The following ABCA10 variants were observed in gnomAD, a reference collection of about 807,000 sequenced individuals.
The protein encoded by ABCA10 is ATP-binding cassette sub-family A member 10.
A neutral mutation model predicts 187.5 loss-of-function variants in ABCA10; 169 were observed. The ratio of observed to expected loss-of-function variants is 0.90; its 90% CI spans 0.80 to 1.02. The LOEUF (loss-of-function observed/expected upper bound fraction) is 1.02. Ranked by LOEUF, ABCA10 falls within the 50% of genes least tolerant of loss-of-function variation. ABCA10 has a pLI of 0.00. For synonymous variants in ABCA10, 574 were observed against 601.8 expected (o/e 0.95, Z 0.68); for missense variants, 1,727 against 1,812.4 (o/e 0.95, Z 0.86).
chr17:69,235,778 A>AC (rs2074865140), intron 1 of ABCA10, among the ~76,000 whole-genome samples: 2 of 151,992 alleles, frequency 1.3e-5, no homozygotes, highest in African/African-American at 4.8e-5. Context: ...AGATTTAAAA[A>AC]AAAGAAAACA....
chr17:69,240,303 A>G (rs2074896026), intron 1 of ABCA10, among the ~76,000 whole-genome samples: 1 of 152,192 alleles, frequency 6.6e-6, no homozygotes, highest in South Asian at 2.1e-4. Flanking sequence ...GCCATTAGGA[A>G]GGAAGTTAGG....
intron 25 of ABCA10, among the ~76,000 whole-genome samples, chr17:69,169,436 T>A (rs1046174903): frequency 6.6e-6 from 1 of 152,230 alleles, no homozygotes; most frequent in African/African-American, 2.4e-5. Flanking sequence ...TGTAAAGATA[T>A]CATTTCTCCC....
At position 69,193,146 on chromosome 17, in the gene ABCA10, T is replaced by C. The variant is rs1365659649; in HGVS notation, c.1744A>G (p.Ser582Gly). 1 of 1,613,506 alleles carries C rather than the reference T, an allele frequency of 6.2e-7. No individual in the cohort carries two copies. Among genetic ancestry groups the C allele is most frequent in the Non-Finnish European group, 8.5e-7 (1 of 1,179,744 alleles). The change falls in exon 15 of 39, where the codon AGT becomes GGT. Residue 582 changes from serine to glycine, a missense_variant. Physicochemically the swap from Ser to Gly is moderately conservative, Grantham distance 56. Transcript: ENST00000690296. ...TCAGCCTCATCCATGAATTGGGTAC[T>C]GAAGAGGATAAGTCGGTCTACTTTA... is the stretch of plus-strand genomic sequence containing the variant. Reference protein sequence around the residue: ...EHKVDRLILFSTQFMDEADIL... With the variant: ...EHKVDRLILFGTQFMDEADIL...
At chr17:69,152,575 T>G (rs2074138345) in intron 34 of ABCA10, 94 bp from the exon 35 acceptor site, 16 of 1,495,474 alleles carry the variant, frequency 1.1e-5, no homozygotes, top group Non-Finnish European at 1.4e-5. Context: ...GAAAATGTTA[T>G]GTTAGGATGC....
intron 19 of ABCA10, among the ~76,000 whole-genome samples, chr17:69,186,217 A>G (rs1481848879): frequency 6.6e-6 from 1 of 152,088 alleles, no homozygotes; most frequent in Admixed American, 6.6e-5. Flanking sequence ...CCACTCTGCA[A>G]TGACTACTTT....
At chr17:69,221,701 A>T (rs1302974126) in intron 5 of ABCA10, 91 bp downstream of exon 5, 2 of 1,144,058 alleles carry the variant, frequency 1.7e-6, no homozygotes, top group Non-Finnish European at 2.4e-6. Flanking sequence ...TCACCTCCTA[A>T]GAGTGTAAGA....
At chr17:69,232,546 C>A (rs1457083418), upstream of ABCA10, among the ~76,000 whole-genome samples, 1 of 152,086 alleles carries the variant, frequency 6.6e-6, no homozygotes, top group Admixed American at 6.6e-5. Flanking sequence ...TTTGATGTCA[C>A]AATTTTTAAA....
intron 1 of ABCA10, among the ~76,000 whole-genome samples, 187 bp downstream of exon 1, chr17:69,228,394 C>T (rs936771089): frequency 1.3e-5 from 2 of 151,888 alleles, no homozygotes; most frequent in South Asian, 2.1e-4. Context: ...ATTTATCACA[C>T]TAAAATGTTA....
At chr17:69,208,885 T>A (rs1203469351) in intron 9 of ABCA10, among the ~76,000 whole-genome samples, 7 of 151,950 alleles carry the variant, frequency 4.6e-5, no homozygotes, top group Non-Finnish European at 8.8e-5. Context: ...AAAAAATTTT[T>A]AAAAAAATTA....
chr17:69,148,764 G>A lies in ABCA10; in HGVS notation c.*63C>T. On this transcript the variant is annotated 3_prime_UTR_variant, in exon 39 of 39. Coordinates refer to ENST00000690296, the MANE Select transcript of ABCA10 (RefSeq NM_001377321.1). ...AACTGAAGTAAAAGGAAACATTCTT[G>A]TAGAATTATGGAAACTAACAATGTA... is the stretch of plus-strand genomic sequence containing the variant. 7.7e-7 allele frequency: 1 copy of A among 1,292,062 alleles called. No individual in the cohort carries two copies. The highest frequency in any genetic ancestry group is 1.1e-6 in the Non-Finnish European group (1 of 910,860). 80.0% of individuals were successfully genotyped at this position (1,292,062 alleles called of 1,614,324 possible).
chr17:69,189,354 T>C (rs2074443501), intron 18 of ABCA10, among the ~76,000 whole-genome samples: 1 of 152,172 alleles, frequency 6.6e-6, no homozygotes, highest in South Asian at 2.1e-4. Flanking sequence ...TTCATGTCCT[T>C]TGTCCATTTT....
At chr17:69,212,344 C>A (rs140384855) in intron 9 of ABCA10, among the ~76,000 whole-genome samples, 4 of 152,160 alleles carry the variant, frequency 2.6e-5, no homozygotes, top group African/African-American at 7.2e-5. Flanking sequence ...TGAGACAGTG[C>A]TTGATATAAT....
chr17:69,180,894 CT>C (rs948020566), intron 22 of ABCA10, among the ~76,000 whole-genome samples: 2 of 151,978 alleles, frequency 1.3e-5, no homozygotes, highest in African/African-American at 2.4e-5. Flanking sequence ...AATTTTTTCC[CT>C]TTTTTATCTA....
At chr17:69,162,838 C>CATATACATATACATATACATATACAT (rs375141032) in intron 27 of ABCA10, among the ~76,000 whole-genome samples, 78 of 120,836 alleles carry the variant, frequency 6.5e-4, no homozygotes, top group African/African-American at 2.3e-3. Context: ...TATACATATA[C>CATATACATATACATATACATATACAT]ATATATATAT....
chr17:69,175,557 A>G, intron 22 of ABCA10, 44 bp from the exon 23 acceptor site: 1 of 1,431,608 alleles, frequency 7.0e-7, no homozygotes. Context: ...AATTGTTACA[A>G]ATTATACAAA....
intron 10 of ABCA10, among the ~76,000 whole-genome samples, chr17:69,197,806 A>G (rs944884805): frequency 2.0e-5 from 3 of 152,186 alleles, no homozygotes; most frequent in African/African-American, 7.2e-5. Flanking sequence ...TGGATTTTAT[A>G]CTTGGCCAAC....
intron 26 of ABCA10, among the ~76,000 whole-genome samples, chr17:69,164,727 G>A (rs939601805): frequency 2.0e-5 from 3 of 152,180 alleles, no homozygotes; most frequent in African/African-American, 7.2e-5. Context: ...CATAAACCAC[G>A]GTTGGGCTTC....
intron 5 of ABCA10, 49 bp from the exon 6 acceptor site, chr17:69,219,820 T>G (rs1205113463): frequency 7.9e-7 from 1 of 1,266,466 alleles, no homozygotes; most frequent in Admixed American, 2.5e-5. Context: ...AGACAAAATA[T>G]ATTAGAAAAC....
intron 14 of ABCA10, 101 bp downstream of exon 14, chr17:69,193,392 A>T: frequency 6.7e-7 from 1 of 1,499,156 alleles, no homozygotes; most frequent in Non-Finnish European, 8.9e-7. Flanking sequence ...TTTATTATAA[A>T]TTTTCCCTCA....
Sources: allele counts gnomAD v4.1 joint callset (sites outside exome capture counted in the v4.1 genomes callset), GRCh38; gene constraint gnomAD v4.1.1; transcripts MANE v1.5; gene names NCBI Gene and HGNC (gene_info 2026-07-23, HGNC 2026-07-21).